The following TENM3 variants were observed in gnomAD, a reference collection of about 807,000 sequenced individuals.
TENM3 encodes the protein teneurin-3.
TENM3 carries 63 observed loss-of-function variants against 255.1 expected under a neutral mutation model. The ratio of observed to expected loss-of-function variants is 0.25; its 90% CI spans 0.20 to 0.30. The LOEUF (loss-of-function observed/expected upper bound fraction) is 0.30, where lower values mean the gene tolerates loss of function less well. Among genes scored for constraint, TENM3 ranks in the 10% least tolerant of loss-of-function variants. The probability of loss-of-function intolerance (pLI) is 1.00; values close to 1 mark genes in which losing one functional copy is unlikely to be tolerated. For synonymous variants in TENM3, 1,306 were observed against 1,322.3 expected (o/e 0.99, Z 0.27); for missense variants, 2,929 against 3,461.1 (o/e 0.85, Z 3.86).
chr4:182,715,819 A>G (rs976565043), intron 13 of TENM3, among the ~76,000 whole-genome samples: 2 of 152,084 alleles, frequency 1.3e-5, no homozygotes, highest in Non-Finnish European at 2.9e-5. Flanking sequence ...TCTCAAAGCA[A>G]ATGTTACTTG....
intron 3 of TENM3, among the ~76,000 whole-genome samples, chr4:182,402,606 C>G (rs1008865686): frequency 3.3e-5 from 5 of 152,084 alleles, no homozygotes; most frequent in African/African-American, 1.2e-4. Flanking sequence ...TACTTCTCTT[C>G]TTTTTTTAGG....
intron 1 of TENM3, among the ~76,000 whole-genome samples, chr4:182,299,547 T>C (rs181440061): frequency 1.9e-4 from 29 of 152,334 alleles, no homozygotes; most frequent in Admixed American, 2.6e-4. Context: ...GTTGACATTT[T>C]AGTGTGCATC....
the TENM3 span, among the ~76,000 whole-genome samples, chr4:181,837,051 C>A: frequency 1.3e-5 from 2 of 152,074 alleles, no homozygotes; most frequent in Non-Finnish European, 2.9e-5. Flanking sequence ...TTCAGAAGAA[C>A]AGAAAATGCA....
At chr4:182,116,253 C>T in the TENM3 span, among the ~76,000 whole-genome samples, 2 of 152,152 alleles carry the variant, frequency 1.3e-5, no homozygotes. Context: ...CATAGTTTTG[C>T]CTTTTCCAGA....
At chr4:181,470,209 T>C in the TENM3 span, among the ~76,000 whole-genome samples, 2 of 151,270 alleles carry the variant, frequency 1.3e-5, no homozygotes, top group East Asian at 3.9e-4. Flanking sequence ...AACTCTACAA[T>C]AAATTAGCTT....
chr4:181,625,406 T>A, the TENM3 span, among the ~76,000 whole-genome samples: 1 of 152,220 alleles, frequency 6.6e-6, no homozygotes, highest in East Asian at 1.9e-4. Context: ...TTGATTGTTC[T>A]GCTACGTCCT....
At chr4:182,578,931 G>A (rs925944664) in intron 3 of TENM3, among the ~76,000 whole-genome samples, 1 of 152,172 alleles carries the variant, frequency 6.6e-6, no homozygotes, top group African/African-American at 2.4e-5. Flanking sequence ...TACACTTTAA[G>A]CCTTCGAAAC....
At chr4:182,154,626 G>A (rs974392293) in intron 1 of TENM3, among the ~76,000 whole-genome samples, 3 of 152,078 alleles carry the variant, frequency 2.0e-5, no homozygotes, top group Non-Finnish European at 2.9e-5. Flanking sequence ...TGATTCTTGC[G>A]GGGTACTCAG....
the TENM3 span, among the ~76,000 whole-genome samples, chr4:182,121,741 T>C: frequency 6.6e-6 from 1 of 152,196 alleles, no homozygotes; most frequent in Admixed American, 6.5e-5. Context: ...CTTGCGTCAG[T>C]GTTCATGGCT....
At chr4:182,573,724 T>C (rs1744638360) in intron 3 of TENM3, among the ~76,000 whole-genome samples, 2 of 152,216 alleles carry the variant, frequency 1.3e-5, no homozygotes, top group Admixed American at 1.3e-4. Flanking sequence ...AAGCTTTATA[T>C]CAGAATTGAA....
At chr4:182,361,915 T>C (rs1409996017) in intron 3 of TENM3, among the ~76,000 whole-genome samples, 1 of 152,226 alleles carries the variant, frequency 6.6e-6, no homozygotes, top group Non-Finnish European at 1.5e-5. Context: ...TCCTTTCTGT[T>C]TGATAGCTTT....
the TENM3 span, among the ~76,000 whole-genome samples, chr4:182,055,287 G>A: frequency 6.6e-6 from 1 of 152,058 alleles, no homozygotes; most frequent in Non-Finnish European, 1.5e-5. Context: ...GGTCAAGGCT[G>A]TGAGCCATGA....
chr4:181,640,850 A>G, the TENM3 span, among the ~76,000 whole-genome samples: 1,622 of 152,286 alleles, frequency 0.011, 30 homozygotes, highest in African/African-American at 0.037. Flanking sequence ...CCTTTCCTCC[A>G]ATTCTATGTC....
chr4:182,618,929 G>C (rs963862233), intron 4 of TENM3, among the ~76,000 whole-genome samples: 1 of 150,220 alleles, frequency 6.7e-6, no homozygotes, highest in Non-Finnish European at 1.5e-5. Flanking sequence ...TCCCCCAACA[G>C]GTTGACTACT....
the TENM3 span, among the ~76,000 whole-genome samples, chr4:181,648,394 GATGTCCTCAGCTGCC>G: frequency 1.3e-5 from 2 of 152,258 alleles, no homozygotes; most frequent in Middle Eastern, 3.4e-3. Context: ...AAGCACGCTA[GATGTCCTCAGCTGCC>G]ATTTTCTTTA....
At chr4:181,973,527 A>G in the TENM3 span, among the ~76,000 whole-genome samples, 2 of 152,166 alleles carry the variant, frequency 1.3e-5, no homozygotes, top group South Asian at 4.1e-4. Flanking sequence ...GTTTGAGACT[A>G]GCCTGGGAAA....
chr4:182,459,514 A>G (rs1301298722), intron 3 of TENM3, among the ~76,000 whole-genome samples: 4 of 152,186 alleles, frequency 2.6e-5, no homozygotes, highest in Non-Finnish European at 5.9e-5. Flanking sequence ...GTTTGTTTTA[A>G]ACAAGATTCG....
intron 3 of TENM3, among the ~76,000 whole-genome samples, chr4:182,521,076 G>A (rs1047254626): frequency 2.0e-5 from 3 of 152,130 alleles, no homozygotes; most frequent in Non-Finnish European, 4.4e-5. Context: ...CATCAGAAAG[G>A]TAATGACAGC....
At chr4:181,721,723 TACAAAGATTTCA>T in the TENM3 span, among the ~76,000 whole-genome samples, 3 of 149,540 alleles carry the variant, frequency 2.0e-5, no homozygotes, top group Non-Finnish European at 4.4e-5. Context: ...AGGGAGTAAT[TACAAAGATTTCA>T]AAAAGGCAAA....
Sources: gnomAD v4.1 joint callset for allele counts (sites outside exome capture counted in the v4.1 genomes callset) on GRCh38, gnomAD v4.1.1 for gene constraint, MANE v1.5 for transcripts, NCBI Gene and HGNC (gene_info 2026-07-23, HGNC 2026-07-21) for gene names.